The following CD79A variants were observed in gnomAD, a reference collection of about 807,000 sequenced individuals.
CD79A encodes the protein B-cell antigen receptor complex-associated protein alpha chain.
A neutral mutation model predicts 27.4 loss-of-function variants in CD79A; 16 were observed. The observed-to-expected ratio is 0.58, with a 90% confidence interval of 0.40 to 0.89. The LOEUF is 0.89. CD79A is among the 40% of genes least tolerant of loss of function. The pLI, the probability that CD79A is intolerant of heterozygous loss-of-function variation, is 0.00. For missense variants in CD79A, 237 were observed against 299.7 expected, an observed-to-expected ratio of 0.79 and a Z score of 1.55; for synonymous variants, 110 against 132.7, an observed-to-expected ratio of 0.83 and a Z score of 1.18.
intron 3 of CD79A, 25 bp from the exon 4 acceptor site, chr19:41,880,645 G>GCGGGGGGGGGGCC: frequency 8.8e-7 from 1 of 1,134,300 alleles, no homozygotes. Flanking sequence ...GCTCACTGAG[G>GCGGGGGGGGGGCC]CACCCACCCC....
chr19:41,879,676 G>C lies in CD79A; in HGVS notation c.498+23G>C. 6.5e-7 allele frequency: 1 copy of C among 1,532,164 alleles called. No individual in the cohort carries two copies. The highest frequency in any genetic ancestry group is 9.0e-7 in the Non-Finnish European group (1 of 1,108,162). The allele number at this position is 1,532,164 out of a possible 1,614,324, so 94.9% of individuals were successfully genotyped here. On this transcript the variant is annotated intron_variant, in intron 3 of 4. Transcript: ENST00000221972. This position sits in a 1 kb window ranked among gnomAD's most constrained non-coding sequence, Gnocchi z 5.1. ...AGGGTGAGCCCCCTCGGACCTCTGA[G>C]TCAGCCGGGCGAGGGCCTGGGCCGA...
chr19:41,880,514 G>A (rs1190886316), intron 3 of CD79A, among the ~76,000 whole-genome samples, 156 bp from the exon 4 acceptor site: 3 of 148,306 alleles, frequency 2.0e-5, no homozygotes, highest in Non-Finnish European at 4.5e-5. Flanking sequence ...GGAGAACACT[G>A]GTTGTAGACT....
At position 41,879,565 on chromosome 19, in the gene CD79A, G is replaced by C; in HGVS notation, c.410G>C (p.Gly137Ala). 1 of 1,611,494 alleles carries C rather than the reference G, an allele frequency of 6.2e-7. No homozygotes were observed. The highest frequency in any genetic ancestry group is 8.5e-7 in the Non-Finnish European group (1 of 1,179,102). Reference sequence around the variant, plus strand: ...CCCCCCAGGCCCTTCCTGGACATGGGGGAGGGCACCAAGAACCGAATCATC... The same window carrying C: ...CCCCCCAGGCCCTTCCTGGACATGGCGGAGGGCACCAAGAACCGAATCATC... ...QPPPRPFLDM[G>A]EGTKNRIITA... The change falls in exon 3 of 5, where the codon GGG becomes GCG. Residue 137 changes from glycine (G) to alanine (A), a missense_variant. Coordinates refer to ENST00000221972, the MANE Select transcript of CD79A (RefSeq NM_001783.4). This position sits in a 1 kb window ranked among gnomAD's most constrained non-coding sequence, Gnocchi z 5.1.
rs1555843148 is a variant in CD79A, at chr19:41,877,428, G to A, written c.79+45G>A. On this transcript the variant is annotated intron_variant, in intron 1 of 4. Transcript: ENST00000221972. The surrounding 1 kb of genome is among the most constrained non-coding windows in gnomAD (Gnocchi z 4.1). ...GAACTGGCGGGAGGTGGGGGAAGCT[G>A]TGGAGGCTGCAGAGAGGGCACAGGC... is the stretch of plus-strand genomic sequence containing the variant. 6.5e-7 allele frequency: 1 copy of A among 1,527,194 alleles called. No individual in the cohort carries two copies. Among genetic ancestry groups the A allele is most frequent in the Admixed American group, 1.7e-5 (1 of 59,916 alleles). The allele number at this position is 1,527,194 out of a possible 1,614,324, so 94.6% of individuals were successfully genotyped here.
intron 3 of CD79A, 24 bp from the exon 4 acceptor site, chr19:41,880,646 C>CGGGGGGGGGGGGG: frequency 2.8e-6 from 3 of 1,069,104 alleles, no homozygotes; most frequent in African/African-American, 1.6e-5. Context: ...CTCACTGAGG[C>CGGGGGGGGGGGGG]ACCCACCCCA....
rs373877668 is a variant in CD79A at position 41,879,682 on chromosome 19, C to A, written c.498+29C>A. On this transcript the variant is annotated intron_variant, in intron 3 of 4. Coordinates refer to ENST00000221972, the MANE Select transcript of CD79A (RefSeq NM_001783.4). The surrounding 1 kb of genome is among the most constrained non-coding windows in gnomAD (Gnocchi z 5.1). ...AGCCCCCTCGGACCTCTGAGTCAGC[C>A]GGGCGAGGGCCTGGGCCGAGGGACC... is the stretch of plus-strand genomic sequence containing the variant. 1 of 1,488,370 alleles carries A rather than the reference C, an allele frequency of 6.7e-7. No individual in the cohort carries two copies. Among genetic ancestry groups the A allele is most frequent in the Middle Eastern group, 1.7e-4 (1 of 5,790 alleles). The allele number at this position is 1,488,370 out of a possible 1,614,324, so 92.2% of individuals were successfully genotyped here.
rs782808211 is a variant in CD79A at position 41,879,412 on chromosome 19, G to A, written c.379+123G>A. ...TTCAAACCGGCTTGGACAGAGGGAC[G>A]GACATTCTCCTCTGCAGAGTGGGGT... On this transcript the variant is annotated intron_variant, in intron 2 of 4. Coordinates refer to ENST00000221972, the MANE Select transcript of CD79A (RefSeq NM_001783.4). This position sits in a 1 kb window ranked among gnomAD's most constrained non-coding sequence, Gnocchi z 5.1. The A allele has an allele frequency of 2.5e-5, 30 of 1,220,690 alleles. 1 individual carries two copies. The highest frequency in any genetic ancestry group is 1.0e-4 in the South Asian group (8 of 78,444). 75.6% of individuals were successfully genotyped at this position (1,220,690 alleles called of 1,614,324 possible).
intron 3 of CD79A, among the ~76,000 whole-genome samples, chr19:41,880,202 T>C (rs2074213051): frequency 6.7e-6 from 1 of 150,144 alleles, no homozygotes; most frequent in African/African-American, 2.5e-5. Flanking sequence ...CAAGACCCTA[T>C]CTCTACACAC....
intron 3 of CD79A, 25 bp from the exon 4 acceptor site, chr19:41,880,645 G>GCCCCCC: frequency 8.8e-7 from 1 of 1,134,294 alleles, no homozygotes; most frequent in East Asian, 2.6e-5. Context: ...GCTCACTGAG[G>GCCCCCC]CACCCACCCC....
chr19:41,878,157 C>T lies in CD79A; in HGVS notation c.79+774C>T, dbSNP rs1220909745. On this transcript the variant is annotated intron_variant, in intron 1 of 4. Transcript: ENST00000221972. This position sits in a 1 kb window ranked among gnomAD's most constrained non-coding sequence, Gnocchi z 4.3. ...AGCCGCCTCGTCTCACTCAGAGACA[C>T]CCCCAGTCTCCACCCCGCTCTGAGC... 2.0e-5 allele frequency among the ~76,000 whole-genome samples: 3 copies of T among 152,086 alleles called. No individual in the cohort carries two copies. The highest frequency in any genetic ancestry group is 1.3e-4 in the Admixed American group (2 of 15,272).
At position 41,881,265 on chromosome 19, in the gene CD79A, C is replaced by T; in HGVS notation, c.*285C>T. On this transcript the variant is annotated 3_prime_UTR_variant, in exon 5 of 5. Coordinates refer to ENST00000221972, the MANE Select transcript of CD79A (RefSeq NM_001783.4). ...CCCTCACCCCAGCGGGTAATGAGCCCTTAATCGCTGCCTCTAGGGGAGCTG... is the reference window on the plus strand; with the variant it reads ...CCCTCACCCCAGCGGGTAATGAGCCTTTAATCGCTGCCTCTAGGGGAGCTG... The T allele has an allele frequency of 1.8e-6, 1 of 541,556 alleles. No individual in the cohort carries two copies. The highest frequency in any genetic ancestry group is 3.1e-5 in the Admixed American group (1 of 32,148). 33.5% of individuals were successfully genotyped at this position (541,556 alleles called of 1,614,324 possible). A position where few individuals can be genotyped will look rare whatever the true frequency, so the allele number is the denominator to read the frequency against.
At chr19:41,880,799 G>T (rs1651481404) in intron 4 of CD79A, 61 bp downstream of exon 4, 1 of 1,497,730 alleles carries the variant, frequency 6.7e-7, no homozygotes, top group Admixed American at 2.0e-5. Flanking sequence ...TGTTCCCTCT[G>T]GGGGTGGCTG....
chr19:41,879,140 C>T lies in CD79A; in HGVS notation c.230C>T (p.Pro77Leu). 1 of 1,614,102 alleles carries T rather than the reference C, an allele frequency of 6.2e-7. No individual in the cohort carries two copies. Among genetic ancestry groups the T allele is most frequent in the Non-Finnish European group, 8.5e-7 (1 of 1,180,026 alleles). ...WRVLHGNYTW[P>L]PEFLGPGEDP... ...GTCCTCCATGGCAACTACACGTGGCCCCCTGAGTTCTTGGGCCCGGGCGAG... is the reference window on the plus strand; with the variant it reads ...GTCCTCCATGGCAACTACACGTGGCTCCCTGAGTTCTTGGGCCCGGGCGAG... Residue 77 changes from proline (P) to leucine (L), a missense_variant, in exon 2 of 5, where the codon CCC becomes CTC. Physicochemically the swap from Pro to Leu is moderately conservative, Grantham distance 98 (BLOSUM62 -3). Transcript: ENST00000221972. The surrounding 1 kb of genome is among the most constrained non-coding windows in gnomAD (Gnocchi z 5.1).
intron 3 of CD79A, among the ~76,000 whole-genome samples, chr19:41,880,449 A>AAGGGAAGGGAAGG (rs2074215412): frequency 1.3e-5 from 1 of 79,284 alleles, no homozygotes; most frequent in Admixed American, 1.4e-4. Flanking sequence ...GAAGGAAGGG[A>AAGGGAAGGGAAGG]AGGGAAGGAA....
At position 41,880,658 on chromosome 19, in the gene CD79A, C is replaced by A; in HGVS notation, c.499-12C>A. On this transcript the variant is annotated splice_polypyrimidine_tract_variant and intron_variant, in intron 3 of 4. Transcript: ENST00000221972. ...CTGCTCACTGAGGCACCCACCCCAC[C>A]CACCCCTACAGAAACGATGGCAGAA... 4 of 1,468,386 alleles carry A rather than the reference C, an allele frequency of 2.7e-6. No homozygotes were observed. Among genetic ancestry groups the A allele is most frequent in the Non-Finnish European group, 3.7e-6 (4 of 1,071,884 alleles). The allele number at this position is 1,468,386 out of a possible 1,614,324, so 91.0% of individuals were successfully genotyped here.
Position 41,879,706 on chromosome 19 carries a change from C to A in CD79A, c.498+53C>A. 4 of 1,210,468 alleles carry A rather than the reference C, an allele frequency of 3.3e-6. No homozygotes were observed. Among genetic ancestry groups the A allele is most frequent in the African/African-American group, 1.5e-5 (1 of 67,336 alleles). 75.0% of individuals were successfully genotyped at this position (1,210,468 alleles called of 1,614,324 possible). On this transcript the variant is annotated intron_variant, in intron 3 of 4. Coordinates refer to ENST00000221972, the MANE Select transcript of CD79A (RefSeq NM_001783.4). The surrounding 1 kb of genome is among the most constrained non-coding windows in gnomAD (Gnocchi z 5.1). Reference sequence around the variant, plus strand: ...CCGGGCGAGGGCCTGGGCCGAGGGACCCCCAATACCCAGGTAGCCCTCTAG... The same window carrying A: ...CCGGGCGAGGGCCTGGGCCGAGGGAACCCCAATACCCAGGTAGCCCTCTAG...
Position 41,881,281 on chromosome 19 carries a change from A to C in CD79A, c.*301A>C. The stretch of plus-strand genomic sequence containing the variant: ...TAATGAGCCCTTAATCGCTGCCTCT[A>C]GGGGAGCTGATTGTAGCAGCCTCGT... On this transcript the variant is annotated 3_prime_UTR_variant, in exon 5 of 5. Transcript: ENST00000221972. 1 of 510,234 alleles carries C rather than the reference A, an allele frequency of 2.0e-6. No individual in the cohort carries two copies. The highest frequency in any genetic ancestry group is 3.6e-6 in the Non-Finnish European group (1 of 278,654). The allele number at this position is 510,234 out of a possible 1,614,324, so 31.6% of individuals were successfully genotyped here.
At position 41,880,706 on chromosome 19, in the gene CD79A, G is replaced by C; in HGVS notation, c.535G>C (p.Gly179Arg). ...GAACGAGAAGCTCGGGTTGGATGCC[G>C]GGGATGAATATGAAGATGAAAACCT... Reference protein sequence around the residue: ...WQNEKLGLDAGDEYEDENLYE... With the variant: ...WQNEKLGLDARDEYEDENLYE... The change falls in exon 4 of 5, where the codon GGG becomes CGG. Residue 179 changes from glycine to arginine, a missense_variant. Physicochemically the swap from Gly to Arg is moderately radical, Grantham distance 125. Transcript: ENST00000221972. 6.5e-7 allele frequency: 1 copy of C among 1,546,620 alleles called. No individual in the cohort carries two copies. Among genetic ancestry groups the C allele is most frequent in the South Asian group, 1.2e-5 (1 of 83,846 alleles).
In CD79A at chr19:41,878,445, A is replaced by G. The variant is rs2074201327; in HGVS notation, c.80-545A>G. Among the ~76,000 whole-genome samples, 1 of 151,986 alleles carries G rather than the reference A, an allele frequency of 6.6e-6. No individual in the cohort carries two copies. Among genetic ancestry groups the G allele is most frequent in the African/African-American group, 2.4e-5 (1 of 41,352 alleles). The stretch of plus-strand genomic sequence containing the variant: ...CCTCCTGTAAAATGGGGCTAAGGAG[A>G]GAACCTACTTCTAGGGTTCTGTGAA... On this transcript the variant is annotated intron_variant, in intron 1 of 4. Transcript: ENST00000221972. This position sits in a 1 kb window ranked among gnomAD's most constrained non-coding sequence, Gnocchi z 4.3.
Sources: gnomAD v4.1 joint callset for allele counts (sites outside exome capture counted in the v4.1 genomes callset) on GRCh38, gnomAD v4.1.1 for gene constraint, Gnocchi (gnomAD v3.1) non-coding constraint, MANE v1.5 for transcripts, NCBI Gene and HGNC (gene_info 2026-07-23, HGNC 2026-07-21) for gene names.